RHBDL3: variants seen among roughly 807,000 people sequenced by gnomAD.
RHBDL3 encodes the protein rhomboid-related protein 3.
RHBDL3 carries 28 observed loss-of-function variants against 48.2 expected under a neutral mutation model. That is an observed-to-expected ratio of 0.58 (90% CI 0.43 to 0.80). The LOEUF (loss-of-function observed/expected upper bound fraction) is 0.80, where lower values mean the gene tolerates loss of function less well. Ranked by LOEUF, RHBDL3 falls within the 30% of genes least tolerant of loss-of-function variation. RHBDL3 has a pLI of 0.00. For missense variants in RHBDL3, 464 were observed against 542.7 expected (o/e 0.85, Z 1.44); for synonymous variants, 208 against 232.3 (o/e 0.90, Z 0.95).
chr17:32,271,407 T>A (rs1210887108), intron 2 of RHBDL3, among the ~76,000 whole-genome samples: 2 of 152,186 alleles, frequency 1.3e-5, no homozygotes, highest in African/African-American at 4.8e-5. Context: ...CCTTTAGTTA[T>A]CGCTTTACAT....
At position 32,321,247 on chromosome 17, in the gene RHBDL3, T is replaced by C; in HGVS notation, c.*18T>C. On this transcript the variant is annotated 3_prime_UTR_variant, in exon 9 of 9. Coordinates refer to ENST00000269051, the MANE Select transcript of RHBDL3 (RefSeq NM_138328.3). ...CCCCCTGAGGGCTGGAGGCCCAAGG[T>C]CGGGGAGGGGAGGGAAAAGCAGCAC... 6.2e-7 allele frequency: 1 copy of C among 1,613,970 alleles called. No homozygotes were observed. The highest frequency in any genetic ancestry group is 8.5e-7 in the Non-Finnish European group (1 of 1,179,990).
At position 32,316,273 on chromosome 17, in the gene RHBDL3, G is replaced by A; in HGVS notation, c.924G>A (p.Met308Ile). Residue 308 changes from methionine (M) to isoleucine (I), a missense_variant, in exon 8 of 9, where the codon ATG (methionine) becomes ATA (isoleucine). Met to Ile is a conservative substitution (Grantham distance 10, BLOSUM62 1). Coordinates refer to ENST00000269051, the MANE Select transcript of RHBDL3 (RefSeq NM_138328.3). ...GMKCQFKLLR[M>I]AVALICMSME... ...AGTGCCAGTTCAAGCTGCTGCGGATGGCTGTGGCCCTTATCTGTAGTAAGT... is the reference window on the plus strand; with the variant it reads ...AGTGCCAGTTCAAGCTGCTGCGGATAGCTGTGGCCCTTATCTGTAGTAAGT... 1.2e-6 allele frequency: 2 copies of A among 1,613,914 alleles called. No individual in the cohort carries two copies. The highest frequency in any genetic ancestry group is 1.7e-6 in the Non-Finnish European group (2 of 1,179,798).
At chr17:32,296,684 G>A (rs2040459374) in intron 5 of RHBDL3, among the ~76,000 whole-genome samples, 1 of 151,894 alleles carries the variant, frequency 6.6e-6, no homozygotes, top group Non-Finnish European at 1.5e-5. Flanking sequence ...GAGACTTTAA[G>A]GGAAAGCTTT....
At chr17:32,268,773 C>T (rs115787753) in intron 2 of RHBDL3, among the ~76,000 whole-genome samples, 175 of 152,220 alleles carry the variant, frequency 1.1e-3, no homozygotes, top group African/African-American at 4.1e-3. Context: ...ACCAGGACTT[C>T]GTTGTAGGCA....
At chr17:32,303,681 C>G (rs1310140524) in intron 6 of RHBDL3, among the ~76,000 whole-genome samples, 1 of 152,032 alleles carries the variant, frequency 6.6e-6, no homozygotes, top group Non-Finnish European at 1.5e-5. Context: ...ATTACATCCC[C>G]CTTGAGACCA....
chr17:32,267,675 A>G (rs1279644789), intron 1 of RHBDL3: 2 of 87,834 alleles, frequency 2.3e-5, no homozygotes, highest in Non-Finnish European at 3.6e-5. Context: ...CCCCCACCCC[A>G]TCCCTTACTG....
intron 4 of RHBDL3, among the ~76,000 whole-genome samples, chr17:32,289,814 C>G (rs540820723): frequency 6.6e-6 from 1 of 152,340 alleles, no homozygotes; most frequent in African/African-American, 2.4e-5. Flanking sequence ...TCCGCTGTTT[C>G]TCTTCCAAAG....
intron 3 of RHBDL3, among the ~76,000 whole-genome samples, chr17:32,287,656 G>T (rs533281633): frequency 4.6e-5 from 7 of 152,262 alleles, no homozygotes; most frequent in African/African-American, 1.4e-4. Flanking sequence ...CTGTGCCGTG[G>T]TCTGGCCTGG....
At chr17:32,314,517 G>C (rs1334932473) in intron 7 of RHBDL3, among the ~76,000 whole-genome samples, 2 of 152,160 alleles carry the variant, frequency 1.3e-5, no homozygotes, top group Non-Finnish European at 2.9e-5. Flanking sequence ...GAAATCCATG[G>C]AGGGGACATT....
intron 6 of RHBDL3, among the ~76,000 whole-genome samples, chr17:32,304,734 T>G (rs2040668592): frequency 1.3e-5 from 2 of 152,312 alleles, no homozygotes; most frequent in South Asian, 4.1e-4. Flanking sequence ...ATAATCCAGG[T>G]AGAAGTCTGA....
chr17:32,267,844 A>C, intron 1 of RHBDL3, 58 bp from the exon 2 acceptor site: 1 of 1,613,488 alleles, frequency 6.2e-7, no homozygotes, highest in Non-Finnish European at 8.5e-7. Context: ...CTTGGTGATA[A>C]GTGTGTCTTT....
intron 4 of RHBDL3, among the ~76,000 whole-genome samples, chr17:32,291,570 A>C (rs547433501): frequency 5.3e-5 from 8 of 150,022 alleles, no homozygotes; most frequent in African/African-American, 2.0e-4. Context: ...AATCCCAGCT[A>C]CTCAGGAGGC....
intron 5 of RHBDL3, among the ~76,000 whole-genome samples, chr17:32,297,654 T>G (rs1330770312): frequency 1.7e-5 from 1 of 58,702 alleles, no homozygotes; most frequent in Non-Finnish European, 4.8e-5. Context: ...TGCTGGATCT[T>G]TTTTTTTTTT....
chr17:32,316,785 T>C (rs2040985100), intron 8 of RHBDL3, among the ~76,000 whole-genome samples: 1 of 152,114 alleles, frequency 6.6e-6, no homozygotes, highest in Non-Finnish European at 1.5e-5. Context: ...CTCAAGTTGC[T>C]GGGATTACAG....
intron 2 of RHBDL3, among the ~76,000 whole-genome samples, chr17:32,268,164 G>A (rs1034613802): frequency 2.0e-5 from 3 of 152,112 alleles, no homozygotes; most frequent in Non-Finnish European, 4.4e-5. Flanking sequence ...ACCAGAGCCG[G>A]GTTTACACCA....
At chr17:32,272,323 G>C (rs1229266820) in intron 2 of RHBDL3, among the ~76,000 whole-genome samples, 1 of 152,190 alleles carries the variant, frequency 6.6e-6, no homozygotes, top group Non-Finnish European at 1.5e-5. Flanking sequence ...CCAGCCTGGG[G>C]CTCTTCCCTT....
intron 2 of RHBDL3, among the ~76,000 whole-genome samples, chr17:32,271,271 T>C (rs1413703371): frequency 6.6e-6 from 1 of 152,228 alleles, no homozygotes; most frequent in Non-Finnish European, 1.5e-5. Flanking sequence ...GCATCACTTA[T>C]TAAGTAAGCC....
intron 2 of RHBDL3, among the ~76,000 whole-genome samples, chr17:32,280,065 C>T (rs1358868719): frequency 6.6e-6 from 1 of 152,152 alleles, no homozygotes; most frequent in Non-Finnish European, 1.5e-5. Flanking sequence ...GATTAAAGGC[C>T]GAGGCAGGTG....
intron 2 of RHBDL3, among the ~76,000 whole-genome samples, chr17:32,274,891 C>T (rs929351574): frequency 1.3e-5 from 2 of 151,844 alleles, no homozygotes; most frequent in African/African-American, 4.8e-5. Flanking sequence ...TGTGTGTGCA[C>T]GCATGCATGT....
Sources: gnomAD v4.1 joint callset for allele counts (sites outside exome capture counted in the v4.1 genomes callset) on GRCh38, gnomAD v4.1.1 for gene constraint, MANE v1.5 for transcripts, NCBI Gene and HGNC (gene_info 2026-07-23, HGNC 2026-07-21) for gene names.